The following TCOF1 variants were observed in gnomAD, a reference collection of about 807,000 sequenced individuals.
The protein encoded by TCOF1 is treacle protein.
A neutral mutation model predicts 149.0 loss-of-function variants in TCOF1; 33 were observed. The observed-to-expected ratio is 0.22, with a 90% confidence interval of 0.17 to 0.30. The LOEUF (loss-of-function observed/expected upper bound fraction) is 0.30, where lower values mean the gene tolerates loss of function less well. Ranked by LOEUF, TCOF1 falls within the 10% of genes least tolerant of loss-of-function variation. TCOF1 has a pLI of 1.00. For synonymous variants in TCOF1, 789 were observed against 738.8 expected (o/e 1.07, Z -1.10); for missense variants, 1,728 against 1,840.7 (o/e 0.94, Z 1.12).
Position 150,398,350 on chromosome 5 carries a change from T to A in TCOF1, c.4346-4T>A. ...GTTCAGGAACTTTACTTTACTTCCC[T>A]TAGGAAAAAAAGACAAAGAAAAAAA... is the stretch of plus-strand genomic sequence containing the variant. On this transcript the variant is annotated splice_region_variant and splice_polypyrimidine_tract_variant and intron_variant, in intron 24 of 26. Coordinates refer to ENST00000643257, the MANE Select transcript of TCOF1 (RefSeq NM_001371623.1). 5 of 1,612,848 alleles carry A rather than the reference T, an allele frequency of 3.1e-6. No individual in the cohort carries two copies. The highest frequency in any genetic ancestry group is 4.2e-6 in the Non-Finnish European group (5 of 1,179,816).
intron 6 of TCOF1, among the ~76,000 whole-genome samples, chr5:150,370,368 C>G (rs558494767): frequency 2.0e-5 from 3 of 152,194 alleles, no homozygotes; most frequent in African/African-American, 7.2e-5. Context: ...GAACATTGAT[C>G]TTTTTTTAAG....
chr5:150,384,073 T>G, intron 17 of TCOF1: 1 of 1,304,578 alleles, frequency 7.7e-7, no homozygotes, highest in Non-Finnish European at 9.8e-7. Flanking sequence ...GATCCTGGAG[T>G]TCTGCAACCT....
intron 6 of TCOF1, 89 bp from the exon 7 acceptor site, chr5:150,371,917 G>GCTTT: frequency 1.7e-6 from 2 of 1,187,082 alleles, no homozygotes; most frequent in East Asian, 5.0e-5. Context: ...TTAGGAAAGA[G>GCTTT]CTTTATCAAC....
rs757391527 is a variant in TCOF1 at position 150,372,136 on chromosome 5, T to C, written c.770T>C (p.Leu257Pro). 1.2e-6 allele frequency: 2 copies of C among 1,614,174 alleles called. No homozygotes were observed. The highest frequency in any genetic ancestry group is 1.7e-6 in the Non-Finnish European group (2 of 1,180,018). Residue 257 changes from leucine to proline, a missense_variant, in exon 7 of 27, where the codon CTG becomes CCG. Transcript: ENST00000643257. Reference sequence around the variant, plus strand: ...ACACCCCAGGTCAAAGGAGGGGCCCTGCCCCCAGCCAAGAGGGCCAAGAAG... The same window carrying C: ...ACACCCCAGGTCAAAGGAGGGGCCCCGCCCCCAGCCAAGAGGGCCAAGAAG... ...DVTPQVKGGA[L>P]PPAKRAKKPE...
chr5:150,380,131 A>G (rs1764802136), intron 17 of TCOF1: 1 of 249,484 alleles, frequency 4.0e-6, no homozygotes, highest in African/African-American at 2.3e-5. Context: ...CCAGGTAAGG[A>G]AAAGAAAGGA....
At chr5:150,396,218 T>C (rs1193706333) in intron 23 of TCOF1, 64 bp from the exon 24 acceptor site, 12 of 1,583,110 alleles carry the variant, frequency 7.6e-6, no homozygotes, top group South Asian at 1.1e-5. Context: ...TCTTCGCTCT[T>C]AGGTACCATA....
Position 150,375,345 on chromosome 5 carries a change from C to T in TCOF1, c.1495C>T (p.Pro499Ser), listed in dbSNP as rs778321923. The T allele has an allele frequency of 1.9e-6, 3 of 1,611,442 alleles. No individual in the cohort carries two copies. The highest frequency in any genetic ancestry group is 2.5e-6 in the Non-Finnish European group (3 of 1,179,304). Reference sequence around the variant, plus strand: ...TGTCCTTTGTGTCTCCCAGGTGAAGCCCTTGGGGAAAAGCCCCCAGGTGAA... The same window carrying T: ...TGTCCTTTGTGTCTCCCAGGTGAAGTCCTTGGGGAAAAGCCCCCAGGTGAA... ...LAAMNAAQVKPLGKSPQVKPA... is the reference protein window; with the variant it reads ...LAAMNAAQVKSLGKSPQVKPA... The change falls in exon 11 of 27, where the codon CCC becomes TCC. Residue 499 changes from proline (P) to serine (S), a missense_variant. Physicochemically the swap from Pro to Ser is moderately conservative, Grantham distance 74. This residue lies in a region of TCOF1 where 1,696 missense variants were observed against 1,765.4 expected (regional missense o/e 0.96). Transcript: ENST00000643257.
At chr5:150,382,382 G>A (rs1298815468) in intron 17 of TCOF1, among the ~76,000 whole-genome samples, 3 of 152,198 alleles carry the variant, frequency 2.0e-5, no homozygotes, top group Non-Finnish European at 4.4e-5. Context: ...AGCCTGCAGT[G>A]TGCATTGTAG....
At chr5:150,393,092 T>A (rs1177764591) in intron 22 of TCOF1, 1 of 589,966 alleles carries the variant, frequency 1.7e-6, no homozygotes, top group Non-Finnish European at 3.0e-6. Flanking sequence ...AAGGTTACTA[T>A]CTGTATGTGG....
At position 150,396,533 on chromosome 5, in the gene TCOF1, C is replaced by A. The variant is rs781234452; in HGVS notation, c.4036C>A (p.Arg1346Ser). Residue 1346 changes from arginine to serine, a missense_variant, in exon 24 of 27, where the codon CGC becomes AGC. By Grantham distance (110) the Arg-to-Ser change is moderately radical. Coordinates refer to ENST00000643257, the MANE Select transcript of TCOF1 (RefSeq NM_001371623.1). The part of the protein sequence containing the change: ...KESSRKGWES[R>S]KRKLSGDQPA... ...GAGCAGCAGGAAGGGCTGGGAGAGC[C>A]GCAAGCGGAAGCTATCGGGAGACCA... is the stretch of plus-strand genomic sequence containing the variant. 5.6e-6 allele frequency: 9 copies of A among 1,603,526 alleles called. No homozygotes were observed. The highest frequency in any genetic ancestry group is 7.7e-6 in the Non-Finnish European group (9 of 1,175,284).
intron 2 of TCOF1, among the ~76,000 whole-genome samples, chr5:150,362,688 C>T (rs1413712011): frequency 6.6e-6 from 1 of 152,126 alleles, no homozygotes; most frequent in Non-Finnish European, 1.5e-5. Context: ...GAGCTAAGGT[C>T]TTTGAAAACC....
In TCOF1 at chr5:150,375,567, C is replaced by G; in HGVS notation, c.1704+13C>G. On this transcript the variant is annotated intron_variant, in intron 11 of 26. Transcript: ENST00000643257. Reference sequence around the variant, plus strand: ...GGCCCCGGCTCAGGTGAGGCCCCTTCCTGTAAGGCTCTTTCTTTTTCCCCC... The same window carrying G: ...GGCCCCGGCTCAGGTGAGGCCCCTTGCTGTAAGGCTCTTTCTTTTTCCCCC... 1 of 1,613,832 alleles carries G rather than the reference C, an allele frequency of 6.2e-7. No individual in the cohort carries two copies. The highest frequency in any genetic ancestry group is 2.2e-5 in the East Asian group (1 of 44,864).
chr5:150,365,951 T>C (rs190814439), intron 3 of TCOF1, among the ~76,000 whole-genome samples: 1 of 152,068 alleles, frequency 6.6e-6, no homozygotes, highest in East Asian at 1.9e-4. Context: ...CAAAACCCTG[T>C]ATCTACAAAA....
At chr5:150,358,415 G>A (rs1349899201) in intron 1 of TCOF1, among the ~76,000 whole-genome samples, 2 of 152,128 alleles carry the variant, frequency 1.3e-5, no homozygotes, top group African/African-American at 2.4e-5. Flanking sequence ...CGGTACTCAG[G>A]GTGCTTCCTG....
chr5:150,363,420 A>G (rs1008421176), intron 2 of TCOF1, among the ~76,000 whole-genome samples: 1 of 152,132 alleles, frequency 6.6e-6, no homozygotes, highest in African/African-American at 2.4e-5. Context: ...TGAGACTTCA[A>G]AGTCCAGGGC....
Position 150,373,577 on chromosome 5 carries a change from C to T in TCOF1, c.871-597C>T, listed in dbSNP as rs115784323. On this transcript the variant is annotated intron_variant, in intron 7 of 26. Transcript: ENST00000643257. Reference sequence around the variant, plus strand: ...AAAGCCCCAAGACAGTGCAGAGCCCCACCGAGGAGTTAGTGAAGAGGGGGC... The same window carrying T: ...AAAGCCCCAAGACAGTGCAGAGCCCTACCGAGGAGTTAGTGAAGAGGGGGC... 4.5e-3 allele frequency among the ~76,000 whole-genome samples: 690 copies of T among 152,290 alleles called. 7 individuals carry two copies. Among genetic ancestry groups the T allele is most frequent in the African/African-American group, 0.016 (671 of 41,560 alleles).
chr5:150,378,565 C>A, intron 14 of TCOF1: 2 of 310,158 alleles, frequency 6.4e-6, no homozygotes, highest in Non-Finnish European at 1.2e-5. Context: ...TGAAAGGGAG[C>A]CTGGAAAACA....
At chr5:150,367,072 G>C (rs553251101) in intron 3 of TCOF1, among the ~76,000 whole-genome samples, 1 of 151,988 alleles carries the variant, frequency 6.6e-6, no homozygotes, top group Non-Finnish European at 1.5e-5. Context: ...TTGGGAGGCC[G>C]AGGTGGGCAG....
Position 150,374,219 on chromosome 5 carries a change from C to G in TCOF1, c.916C>G (p.Pro306Ala), listed in dbSNP as rs758562053. 1.2e-6 allele frequency: 2 copies of G among 1,612,780 alleles called. No homozygotes were observed. ...KILQVRAASAPAKGTPGKGAT... is the reference protein window; with the variant it reads ...KILQVRAASAAAKGTPGKGAT... ...TCTCCAGGTCAGAGCTGCCTCAGCC[C>G]CTGCCAAGGGGACCCCTGGGAAAGG... The change falls in exon 8 of 27, where the codon CCT (proline) becomes GCT (alanine). Residue 306 changes from proline (P) to alanine (A), a missense_variant. Pro to Ala is a conservative substitution (Grantham distance 27, BLOSUM62 -1). Transcript: ENST00000643257.
Sources: allele counts gnomAD v4.1 joint callset (sites outside exome capture counted in the v4.1 genomes callset), GRCh38; gene constraint gnomAD v4.1.1; regional missense constraint gnomAD v4.1.1; transcripts MANE v1.5; gene names NCBI Gene and HGNC (gene_info 2026-07-23, HGNC 2026-07-21).